Variants in CMAS observed in about 807,000 individuals in gnomAD.
CMAS encodes the protein cytidine monophosphate N-acetylneuraminic acid synthetase, also known as N-acylneuraminate cytidylyltransferase.
In CMAS, 21 loss-of-function variants were observed where a neutral mutation model predicts 53.4. The ratio of observed to expected loss-of-function variants is 0.39; its 90% confidence interval spans 0.28 to 0.57. The LOEUF is 0.57. Among genes scored for constraint, CMAS ranks in the 20% least tolerant of loss-of-function variants. The pLI, the probability that CMAS is intolerant of heterozygous loss-of-function variation, is 0.56. For missense variants in CMAS, 384 were observed against 534.9 expected, an observed-to-expected ratio of 0.72 and a Z score of 2.78; for synonymous variants, 189 against 195.2, an observed-to-expected ratio of 0.97 and a Z score of 0.27.
intron 6 of CMAS, among the ~76,000 whole-genome samples, chr12:22,062,046 A>G (rs1330590229): frequency 1.3e-5 from 2 of 152,146 alleles, no homozygotes; most frequent in Non-Finnish European, 2.9e-5. Context: ...ATTGTAGAAA[A>G]TAAAATACTG....
rs1950203221 is a variant in CMAS at position 22,046,226 on chromosome 12, A to C, written c.-78A>C. On this transcript the variant is annotated 5_prime_UTR_variant, in exon 1 of 8. Transcript: ENST00000229329. ...CGCGCGCGCCAGCTGCCAGGCGGGG[A>C]TCGGGCGGCGCCGAGCTGAGGTGGT... is the stretch of plus-strand genomic sequence containing the variant. The C allele has an allele frequency of 7.5e-7, 1 of 1,330,962 alleles. No individual in the cohort carries two copies. Among genetic ancestry groups the C allele is most frequent in the South Asian group, 1.8e-5 (1 of 56,764 alleles). The allele number at this position is 1,330,962 out of a possible 1,614,324, so 82.4% of individuals were successfully genotyped here.
At chr12:22,052,555 A>G (rs1033430688) in intron 1 of CMAS, among the ~76,000 whole-genome samples, 5 of 152,226 alleles carry the variant, frequency 3.3e-5, no homozygotes, top group Admixed American at 2.6e-4. Flanking sequence ...ATTAGATGCC[A>G]AATTACCATG....
Position 22,055,686 on chromosome 12 carries a change from A to G in CMAS, c.559+76A>G, listed in dbSNP as rs1265425834. ...TTTTGTATATAAATATCCTTTAGGC[A>G]TGAGGAGAGTAAAAGGGGAGCTGTA... On this transcript the variant is annotated intron_variant, in intron 3 of 7. Transcript: ENST00000229329. 3.9e-6 allele frequency: 5 copies of G among 1,266,594 alleles called. 1 individual carries two copies. The African/African-American group carries it at 7.5e-5, about 19-fold the overall frequency. 78.5% of individuals were successfully genotyped at this position (1,266,594 alleles called of 1,614,324 possible).
rs996342026 is a variant in CMAS, at chr12:22,058,501, T to C, written c.560-66T>C. On this transcript the variant is annotated intron_variant, in intron 3 of 7. Coordinates refer to ENST00000229329, the MANE Select transcript of CMAS (RefSeq NM_018686.6). Reference sequence around the variant, plus strand: ...CTGAGTTCATTTTTATTAACTTTTTTAGTTACTAAATTAACACTTTCTATA... The same window carrying C: ...CTGAGTTCATTTTTATTAACTTTTTCAGTTACTAAATTAACACTTTCTATA... 4 of 1,397,548 alleles carry C rather than the reference T, an allele frequency of 2.9e-6. No individual in the cohort carries two copies. In the African/African-American group the frequency reaches 5.8e-5, roughly 20 times the overall value. 86.6% of individuals were successfully genotyped at this position (1,397,548 alleles called of 1,614,324 possible).
rs191492408 is a variant in CMAS, at chr12:22,065,237, C to T, written c.1231C>T (p.Arg411Cys). 285 of 1,613,914 alleles carry T rather than the reference C, an allele frequency of 1.8e-4. No individual in the cohort carries two copies. The highest frequency in any genetic ancestry group is 6.7e-5 in the Admixed American group (4 of 60,016). ...ATACATTTGCAAATGTAATGGTGGC[C>T]GTGGTGCCATCCGAGAATTTGCAGA... is the stretch of plus-strand genomic sequence containing the variant. ...VGYICKCNGG[R>C]GAIREFAEHI... Residue 411 changes from arginine to cysteine, a missense_variant, in exon 8 of 8, where the codon CGT (arginine) becomes TGT (cysteine). Physicochemically the swap from Arg to Cys is radical, Grantham distance 180. This residue lies in a region of CMAS where 134 missense variants were observed against 154.6 expected (regional missense o/e 0.87). Coordinates refer to ENST00000229329, the MANE Select transcript of CMAS (RefSeq NM_018686.6).
At chr12:22,046,633 G>A in intron 1 of CMAS, 70 bp downstream of exon 1, 1 of 1,407,910 alleles carries the variant, frequency 7.1e-7, no homozygotes, top group Non-Finnish European at 9.3e-7. Flanking sequence ...CTGCTGGAGG[G>A]GCTGGGGCCT....
intron 4 of CMAS, among the ~76,000 whole-genome samples, chr12:22,059,144 ATATATT>A (rs1368113498): frequency 8.2e-6 from 1 of 121,396 alleles, no homozygotes; most frequent in Non-Finnish European, 1.6e-5. Context: ...ATATATATAT[ATATATT>A]TTTTTTTTTT....
intron 4 of CMAS, among the ~76,000 whole-genome samples, chr12:22,059,156 T>A (rs1418571363): frequency 3.2e-4 from 47 of 146,580 alleles, no homozygotes; most frequent in African/African-American, 4.2e-4. Flanking sequence ...ATATTTTTTT[T>A]TTTTTTTATT....
intron 4 of CMAS, 158 bp from the exon 5 acceptor site, chr12:22,060,668 GTAAAAA>G (rs1356257384): frequency 1.9e-6 from 1 of 519,230 alleles, no homozygotes; most frequent in African/African-American, 1.9e-5. Context: ...AAATAAAAAA[GTAAAAA>G]TAAATTTAAA....
intron 1 of CMAS, among the ~76,000 whole-genome samples, chr12:22,051,426 A>AC (rs1375342705): frequency 6.6e-6 from 1 of 152,244 alleles, no homozygotes; most frequent in Non-Finnish European, 1.5e-5. Flanking sequence ...TATCCCTAAA[A>AC]TGGCAGCTTC....
At chr12:22,050,345 G>A (rs997881757) in intron 1 of CMAS, among the ~76,000 whole-genome samples, 2 of 152,222 alleles carry the variant, frequency 1.3e-5, no homozygotes, top group African/African-American at 4.8e-5. Flanking sequence ...TCACAGGCTT[G>A]TGGAGGGAAT....
intron 7 of CMAS, among the ~76,000 whole-genome samples, chr12:22,063,419 A>ATACT (rs1411050610): frequency 6.6e-6 from 1 of 152,222 alleles, no homozygotes; most frequent in Non-Finnish European, 1.5e-5. Flanking sequence ...AATTCCAACT[A>ATACT]TACTTATTAT....
rs777786811 is a variant in CMAS at position 22,061,361 on chromosome 12, A to AC, written c.870dup (p.Ile291HisfsTer14). 6.2e-7 allele frequency: 1 copy of AC among 1,608,580 alleles called. No individual in the cohort carries two copies. Among genetic ancestry groups the AC allele is most frequent in the African/African-American group, 1.3e-5 (1 of 74,794 alleles). On this transcript the variant is annotated frameshift_variant, in exon 6 of 8. Transcript: ENST00000229329. LOFTEE classifies it high-confidence loss of function. ...ATTGATGGATGTCTCACCAATGGCC[A>AC]CATTTATGTATCAGGAGACCAAAAA...
At chr12:22,062,748 C>A (rs899195374) in intron 7 of CMAS, among the ~76,000 whole-genome samples, 1 of 152,042 alleles carries the variant, frequency 6.6e-6, no homozygotes, top group South Asian at 2.1e-4. Flanking sequence ...TACCTATTAC[C>A]GTAGGGCTCT....
intron 3 of CMAS, 59 bp from the exon 4 acceptor site, chr12:22,058,508 T>C: frequency 6.7e-7 from 1 of 1,481,502 alleles, no homozygotes; most frequent in Non-Finnish European, 9.2e-7. Flanking sequence ...TTTTAGTTAC[T>C]AAATTAACAC....
At chr12:22,059,577 C>T (rs1217354077) in intron 4 of CMAS, among the ~76,000 whole-genome samples, 1 of 152,118 alleles carries the variant, frequency 6.6e-6, no homozygotes, top group African/African-American at 2.4e-5. Context: ...AGAGAGAAAC[C>T]TCTCCATTGT....
chr12:22,061,486 A>G (rs371282137), intron 6 of CMAS, 34 bp downstream of exon 6: 260 of 1,382,502 alleles, frequency 1.9e-4, no homozygotes, highest in Non-Finnish European at 2.4e-4. Context: ...GTATTTTATA[A>G]TATTTTGATT....
At chr12:22,060,360 A>AAAAAAAAAAAAAAAAAAGC (rs1950300664) in intron 4 of CMAS, among the ~76,000 whole-genome samples, 1 of 121,762 alleles carries the variant, frequency 8.2e-6, no homozygotes. Context: ...AAAAAAAAAA[A>AAAAAAAAAAAAAAAAAAGC]GCTGGGCGTG....
intron 3 of CMAS, among the ~76,000 whole-genome samples, 164 bp downstream of exon 3, chr12:22,055,774 T>C (rs143210677): frequency 2.0e-3 from 305 of 152,336 alleles, no homozygotes; most frequent in African/African-American, 6.7e-3. Flanking sequence ...TGTAAATCTG[T>C]TATCGAGCCA....
Sources: gnomAD v4.1 joint callset for allele counts (sites outside exome capture counted in the v4.1 genomes callset) on GRCh38, gnomAD v4.1.1 for gene constraint, gnomAD v4.1.1 regional missense constraint, MANE v1.5 for transcripts, NCBI Gene and HGNC (gene_info 2026-07-23, HGNC 2026-07-21) for gene names.